Variants in JARID2 observed in about 807,000 individuals in gnomAD.
JARID2 encodes the protein jumonji and AT-rich interaction domain containing 2.
JARID2 carries 21 observed loss-of-function variants against 125.6 expected under a neutral mutation model. That is an observed-to-expected ratio of 0.17 (90% confidence interval 0.12 to 0.24). The LOEUF (loss-of-function observed/expected upper bound fraction) is 0.24. Among genes scored for constraint, JARID2 ranks in the 10% least tolerant of loss-of-function variants. The pLI is 1.00. For synonymous variants in JARID2, 736 were observed against 661.6 expected, an observed-to-expected ratio of 1.11 and a Z score of -1.73; for missense variants, 1,303 against 1,639.6, an observed-to-expected ratio of 0.79 and a Z score of 3.55.
chr6:15,501,421 C>T lies in JARID2; in HGVS notation c.2448+12C>T, dbSNP rs192416073. ...AGTGCATCTATAAGGTAGGGGCCTC[C>T]GCAGAGCAGCCACTCCCAGCTGCAG... On this transcript the variant is annotated intron_variant, in intron 8 of 17. Transcript: ENST00000341776. 37 of 1,519,962 alleles carry T rather than the reference C, an allele frequency of 2.4e-5. No individual in the cohort carries two copies. The highest frequency in any genetic ancestry group is 1.3e-4 in the African/African-American group (9 of 71,980). 94.2% of individuals were successfully genotyped at this position (1,519,962 alleles called of 1,614,324 possible). A position where few individuals can be genotyped will look rare whatever the true frequency, so the allele number is the denominator to read the frequency against.
rs71758457 is a variant in JARID2 at position 15,273,930 on chromosome 6, CTT to C, written c.45+27361_45+27362del. 5.7e-3 allele frequency among the ~76,000 whole-genome samples: 801 copies of C among 141,768 alleles called. 8 individuals carry two copies. The highest frequency in any genetic ancestry group is 0.015 in the African/African-American group (594 of 38,432). The allele number at this position is 141,768 out of a possible 152,430, so 93.0% of individuals were successfully genotyped here. On this transcript the variant is annotated intron_variant, in intron 1 of 17. Coordinates refer to ENST00000341776, the MANE Select transcript of JARID2 (RefSeq NM_004973.4). Reference sequence around the variant, plus strand: ...TTTCTCTGAAAAATTTTGTCTATATCTTTTTTTTTTTTTTTTAAGATGGAGTC... The same window carrying C: ...TTTCTCTGAAAAATTTTGTCTATATCTTTTTTTTTTTTTTAAGATGGAGTC...
chr6:15,297,376 C>T (rs1042916388), intron 1 of JARID2, among the ~76,000 whole-genome samples: 12 of 152,130 alleles, frequency 7.9e-5, no homozygotes, highest in African/African-American at 2.9e-4. Flanking sequence ...TCTTGAACTC[C>T]TGACCTCATG....
chr6:15,506,311 G>C (rs931901583), intron 9 of JARID2, among the ~76,000 whole-genome samples: 2 of 152,232 alleles, frequency 1.3e-5, no homozygotes, highest in Non-Finnish European at 2.9e-5. Context: ...CAGGGAGTCT[G>C]TTGAGGGAAT....
intron 16 of JARID2, among the ~76,000 whole-genome samples, chr6:15,515,363 A>G (rs1771497343): frequency 2.0e-5 from 3 of 152,174 alleles, no homozygotes. Flanking sequence ...TGAGGGCTGT[A>G]TGGTAGTTAC....
Position 15,497,003 on chromosome 6 carries a change from C to T in JARID2, c.1778C>T (p.Pro593Leu), listed in dbSNP as rs1338979330. 18 of 1,613,848 alleles carry T rather than the reference C, an allele frequency of 1.1e-5. No individual in the cohort carries two copies. The highest frequency in any genetic ancestry group is 1.7e-5 in the Admixed American group (1 of 60,002). Residue 593 changes from proline (P) to leucine (L), a missense_variant, in exon 7 of 18, where the codon CCG becomes CTG. Transcript: ENST00000341776. ...KFGMCRVIPPPDWRPECKLND... is the reference protein window; with the variant it reads ...KFGMCRVIPPLDWRPECKLND... ...GGGATGTGCAGGGTGATCCCCCCTC[C>T]GGACTGGCGGCCCGAGTGCAAGCTC...
rs1204648003 is a variant in JARID2, at chr6:15,520,932, G to T, written c.*681G>T. 2.3e-6 allele frequency: 1 copy of T among 428,144 alleles called. No homozygotes were observed. Among genetic ancestry groups the T allele is most frequent in the Non-Finnish European group, 4.8e-6 (1 of 208,530 alleles). The allele number at this position is 428,144 out of a possible 1,614,324, so 26.5% of individuals were successfully genotyped here. On this transcript the variant is annotated 3_prime_UTR_variant, in exon 18 of 18. Transcript: ENST00000341776. ...CCAGGAAAGAAGAAAAGCGAGCGAGGAAGACGGAAAAGACTGCCTGCCTTG... is the reference window on the plus strand; with the variant it reads ...CCAGGAAAGAAGAAAAGCGAGCGAGTAAGACGGAAAAGACTGCCTGCCTTG...
At chr6:15,458,314 G>A (rs551316575) in intron 4 of JARID2, among the ~76,000 whole-genome samples, 1 of 152,266 alleles carries the variant, frequency 6.6e-6, no homozygotes, top group East Asian at 1.9e-4. Flanking sequence ...GATTCCCAAA[G>A]GGGACTCCTG....
At chr6:15,500,615 C>G (rs951981302) in intron 7 of JARID2, among the ~76,000 whole-genome samples, 1 of 152,176 alleles carries the variant, frequency 6.6e-6, no homozygotes. Flanking sequence ...GTCTGGCCAG[C>G]TCGCATCCTT....
chr6:15,282,587 C>T (rs869033060), intron 1 of JARID2, among the ~76,000 whole-genome samples: 2 of 149,820 alleles, frequency 1.3e-5, no homozygotes, highest in Non-Finnish European at 3.0e-5. Context: ...GTCTCTCCCC[C>T]TCTCCTCTCT....
chr6:15,267,092 C>T (rs1013420368), intron 1 of JARID2, among the ~76,000 whole-genome samples: 2 of 152,204 alleles, frequency 1.3e-5, no homozygotes, highest in African/African-American at 4.8e-5. Context: ...TTAATGCTGA[C>T]ATATTGCAAC....
chr6:15,388,890 T>C (rs2127538597), intron 2 of JARID2, among the ~76,000 whole-genome samples: 1 of 152,284 alleles, frequency 6.6e-6, no homozygotes, highest in East Asian at 1.9e-4. Flanking sequence ...GTTGTCTTCC[T>C]GTGTGATCTG....
intron 1 of JARID2, among the ~76,000 whole-genome samples, chr6:15,341,074 C>T (rs73726558): frequency 2.8e-4 from 43 of 152,286 alleles, no homozygotes; most frequent in African/African-American, 8.7e-4. Context: ...TTTATACCCA[C>T]GCTCTCCTTC....
chr6:15,501,735 C>T (rs768180003), intron 8 of JARID2, among the ~76,000 whole-genome samples: 7 of 152,156 alleles, frequency 4.6e-5, no homozygotes, highest in African/African-American at 1.2e-4. Flanking sequence ...GTCCACTCCA[C>T]GAAGATACCA....
At chr6:15,415,253 C>T (rs1766091650) in intron 3 of JARID2, among the ~76,000 whole-genome samples, 1 of 152,252 alleles carries the variant, frequency 6.6e-6, no homozygotes, top group Non-Finnish European at 1.5e-5. Context: ...TCTCTCAATC[C>T]CTTCCCCACC....
chr6:15,394,628 ATCT>A (rs66646391), intron 2 of JARID2, among the ~76,000 whole-genome samples: 13,745 of 152,188 alleles, frequency 0.09, 768 homozygotes, highest in South Asian at 0.16. Context: ...ACAAGACTAA[ATCT>A]TCTTCTTGAA....
chr6:15,296,500 A>T (rs1299330226), intron 1 of JARID2, among the ~76,000 whole-genome samples: 1 of 152,118 alleles, frequency 6.6e-6, no homozygotes, highest in African/African-American at 2.4e-5. Context: ...TAACCATAGC[A>T]TATTTGTGTG....
intron 1 of JARID2, among the ~76,000 whole-genome samples, chr6:15,268,397 C>G (rs1348450230): frequency 6.6e-6 from 1 of 152,210 alleles, no homozygotes; most frequent in Non-Finnish European, 1.5e-5. Flanking sequence ...GAAATGGTTG[C>G]TACCTCCCTG....
chr6:15,486,345 C>A (rs992605590), intron 5 of JARID2, among the ~76,000 whole-genome samples: 29 of 152,226 alleles, frequency 1.9e-4, no homozygotes, highest in Non-Finnish European at 3.5e-4. Flanking sequence ...CCCAAGCATC[C>A]CTGTTCTCTT....
chr6:15,428,918 A>AC (rs1326340476), intron 3 of JARID2, among the ~76,000 whole-genome samples: 21 of 139,106 alleles, frequency 1.5e-4, no homozygotes, highest in African/African-American at 5.8e-4. Flanking sequence ...AAAAACAACA[A>AC]AAAAAAAACA....
Sources: gnomAD v4.1 joint callset for allele counts (sites outside exome capture counted in the v4.1 genomes callset) on GRCh38, gnomAD v4.1.1 for gene constraint, MANE v1.5 for transcripts, NCBI Gene and HGNC (gene_info 2026-07-23, HGNC 2026-07-21) for gene names.